The following GALNT13 variants were observed in gnomAD, a reference collection of about 807,000 sequenced individuals.
The protein encoded by GALNT13 is UDP-GalNAc:polypeptide N-acetylgalactosaminyltransferase 13.
GALNT13 carries 28 observed loss-of-function variants against 64.2 expected under a neutral mutation model. The ratio of observed to expected loss-of-function variants is 0.44; its 90% CI spans 0.32 to 0.60. The LOEUF is 0.60. Among genes scored for constraint, GALNT13 ranks in the 20% least tolerant of loss-of-function variants. The probability of loss-of-function intolerance (pLI) is 0.05; values close to 1 mark genes in which losing one functional copy is unlikely to be tolerated. For synonymous variants in GALNT13, 214 were observed against 224.6 expected, an observed-to-expected ratio of 0.95 and a Z score of 0.42; for missense variants, 577 against 669.8, an observed-to-expected ratio of 0.86 and a Z score of 1.53.
At chr2:153,392,510 G>A in the GALNT13 span, among the ~76,000 whole-genome samples, 625 of 152,158 alleles carry the variant, frequency 4.1e-3, 6 homozygotes, top group African/African-American at 0.013. Context: ...TACTGAGCTT[G>A]TTGACAGGGT....
chr2:153,222,342 G>GGGGGGGGT, the GALNT13 span, among the ~76,000 whole-genome samples: 1 of 126,952 alleles, frequency 7.9e-6, no homozygotes, highest in Non-Finnish European at 1.8e-5. Context: ...TGGGGGGGGG[G>GGGGGGGGT]GTTGGGCTTA....
At chr2:153,402,775 C>A in the GALNT13 span, among the ~76,000 whole-genome samples, 1 of 152,118 alleles carries the variant, frequency 6.6e-6, no homozygotes, top group Non-Finnish European at 1.5e-5. Context: ...GTTTTCAGCT[C>A]CATCAGCTCC....
chr2:154,208,660 GT>G (rs1687604399), intron 4 of GALNT13, among the ~76,000 whole-genome samples: 11 of 146,004 alleles, frequency 7.5e-5, no homozygotes, highest in African/African-American at 2.5e-4. Flanking sequence ...GTGTGTGTGT[GT>G]GTGTGTGTAG....
At chr2:154,192,910 C>T (rs1313541075) in intron 4 of GALNT13, among the ~76,000 whole-genome samples, 1 of 152,184 alleles carries the variant, frequency 6.6e-6, no homozygotes, top group African/African-American at 2.4e-5. Flanking sequence ...TAATAATTCT[C>T]ATTCACAACA....
At chr2:154,004,375 T>G (rs777819127) in intron 3 of GALNT13, among the ~76,000 whole-genome samples, 5 of 151,996 alleles carry the variant, frequency 3.3e-5, no homozygotes, top group Non-Finnish European at 7.4e-5. Flanking sequence ...CCAGCTAATT[T>G]TTGTATTTTT....
At chr2:153,930,064 G>A (rs1690412402) in intron 2 of GALNT13, among the ~76,000 whole-genome samples, 1 of 152,102 alleles carries the variant, frequency 6.6e-6, no homozygotes, top group Non-Finnish European at 1.5e-5. Context: ...GTATCTCATT[G>A]TGGTTTTGAT....
chr2:153,540,447 TG>T, the GALNT13 span, among the ~76,000 whole-genome samples: 5 of 152,144 alleles, frequency 3.3e-5, no homozygotes, highest in African/African-American at 7.2e-5. Context: ...AGGGGAAATG[TG>T]GGGTTGGAGC....
intron 3 of GALNT13, among the ~76,000 whole-genome samples, chr2:153,973,740 C>T (rs1024387895): frequency 6.6e-6 from 1 of 151,956 alleles, no homozygotes; most frequent in African/African-American, 2.4e-5. Flanking sequence ...GTAGTTTGGA[C>T]ATCCTTTCCT....
chr2:154,016,312 CAG>C (rs1459786652), intron 3 of GALNT13, among the ~76,000 whole-genome samples: 11 of 152,088 alleles, frequency 7.2e-5, no homozygotes, highest in African/African-American at 9.7e-5. Context: ...TTCATAAACA[CAG>C]GGGTGATTTT....
chr2:153,178,929 G>A, the GALNT13 span, among the ~76,000 whole-genome samples: 39 of 151,496 alleles, frequency 2.6e-4, no homozygotes, highest in African/African-American at 9.2e-4. Context: ...TTTTAGTAGA[G>A]ATGGGGTTTC....
the GALNT13 span, among the ~76,000 whole-genome samples, chr2:153,399,874 G>T: frequency 6.6e-6 from 1 of 151,352 alleles, no homozygotes; most frequent in Non-Finnish European, 1.5e-5. Flanking sequence ...CTGCAAACAG[G>T]GACAATTTGA....
chr2:154,225,956 C>A (rs538602884), intron 4 of GALNT13, among the ~76,000 whole-genome samples: 2 of 151,966 alleles, frequency 1.3e-5, no homozygotes, highest in Non-Finnish European at 2.9e-5. Context: ...TGTAGTTAAA[C>A]AATGTAGGTC....
chr2:153,526,854 TA>T, the GALNT13 span, among the ~76,000 whole-genome samples: 1 of 151,654 alleles, frequency 6.6e-6, no homozygotes, highest in South Asian at 2.1e-4. Context: ...TTGAAATAAT[TA>T]AAAATAAACA....
At chr2:154,266,115 A>G (rs1463954192) in intron 8 of GALNT13, among the ~76,000 whole-genome samples, 8 of 152,306 alleles carry the variant, frequency 5.3e-5, no homozygotes. Context: ...TGAGCAAACT[A>G]TTTATAGAAA....
At chr2:153,648,925 T>C in the GALNT13 span, among the ~76,000 whole-genome samples, 1 of 152,178 alleles carries the variant, frequency 6.6e-6, no homozygotes, top group South Asian at 2.1e-4. Flanking sequence ...TCTAAAATTC[T>C]CTTTTTTGGT....
At chr2:153,696,659 TTCTC>T in the GALNT13 span, among the ~76,000 whole-genome samples, 1 of 152,156 alleles carries the variant, frequency 6.6e-6, no homozygotes, top group Non-Finnish European at 1.5e-5. Context: ...TATGTAGTCA[TTCTC>T]TCTCTTCTCT....
chr2:154,095,434 C>T (rs982728856), intron 3 of GALNT13, among the ~76,000 whole-genome samples: 53 of 151,482 alleles, frequency 3.5e-4, no homozygotes, highest in Non-Finnish European at 1.5e-5. Flanking sequence ...TTTTTGCAAC[C>T]CTACACATTT....
chr2:153,907,790 T>G (rs895501980), intron 2 of GALNT13, among the ~76,000 whole-genome samples: 6 of 152,138 alleles, frequency 3.9e-5, no homozygotes, highest in Admixed American at 3.9e-4. Flanking sequence ...TGCCACATTT[T>G]CTTTATCCAT....
chr2:153,729,767 G>A, the GALNT13 span, among the ~76,000 whole-genome samples: 11 of 152,082 alleles, frequency 7.2e-5, no homozygotes, highest in Non-Finnish European at 1.3e-4. Flanking sequence ...TGTGATAAAT[G>A]ACTTTAGTAA....
Sources: gnomAD v4.1 joint callset for allele counts (sites outside exome capture counted in the v4.1 genomes callset) on GRCh38, gnomAD v4.1.1 for gene constraint, MANE v1.5 for transcripts, NCBI Gene and HGNC (gene_info 2026-07-23, HGNC 2026-07-21) for gene names.